Variants in ATP11A observed in about 807,000 individuals in gnomAD.
ATP11A encodes ATPase phospholipid transporting 11A, also known as phospholipid-transporting ATPase IH.
ATP11A carries 81 observed loss-of-function variants against 154.4 expected under a neutral mutation model. That is an observed-to-expected ratio of 0.52 (90% CI 0.44 to 0.63). The LOEUF is 0.63. ATP11A is among the 30% of genes least tolerant of loss of function. The probability of loss-of-function intolerance (pLI) is 0.00; values close to 1 mark genes in which losing one functional copy is unlikely to be tolerated. For synonymous variants in ATP11A, 623 were observed against 585.9 expected (o/e 1.06, Z -0.91); for missense variants, 1,316 against 1,474.3 (o/e 0.89, Z 1.76).
chr13:112,824,413 C>T lies in ATP11A; in HGVS notation c.860C>T (p.Ser287Phe). ...TATCAATCAAAATCTCAGAAGCGAT[C>T]TGCCGTGGAAAAGTAAGGCTGGATG... The part of the protein sequence containing the change: ...LNYQSKSQKR[S>F]AVEKSMNAFL... The change falls in exon 10 of 30, where the codon TCT (serine) becomes TTT (phenylalanine). Residue 287 changes from serine to phenylalanine, a missense_variant. Transcript: ENST00000375645. 6.2e-7 allele frequency: 1 copy of T among 1,614,128 alleles called. No homozygotes were observed. The highest frequency in any genetic ancestry group is 8.5e-7 in the Non-Finnish European group (1 of 1,179,984).
intron 1 of ATP11A, among the ~76,000 whole-genome samples, chr13:112,750,551 A>C (rs373404886): frequency 1.0e-5 from 1 of 99,668 alleles, no homozygotes; most frequent in African/African-American, 4.2e-5. Flanking sequence ...GCGGGTTTGA[A>C]TCCCCTTCAG....
Position 112,721,159 on chromosome 13 carries a change from A to G in ATP11A, c.39+30704A>G, listed in dbSNP as rs79827946. On this transcript the variant is annotated intron_variant, in intron 1 of 29. Coordinates refer to ENST00000375645, the MANE Select transcript of ATP11A (RefSeq NM_015205.3). The stretch of plus-strand genomic sequence containing the variant: ...AGGGTCTGGGTTGTAAATCAGAGTT[A>G]GGGTCCGATTGCTCCTCTCATTAGG... Among the ~76,000 whole-genome samples the G allele has an allele frequency of 4.6e-3, 697 of 152,258 alleles. 4 individuals are homozygous for G. The highest frequency in any genetic ancestry group is 0.017 in the East Asian group (88 of 5,166).
At chr13:112,850,646 A>G (rs557868130) in intron 17 of ATP11A, among the ~76,000 whole-genome samples, 36 of 152,178 alleles carry the variant, frequency 2.4e-4, no homozygotes, top group Non-Finnish European at 4.6e-4. Context: ...TATTACCCAT[A>G]AAATTACAAA....
chr13:112,731,775 A>C (rs1890504450), intron 1 of ATP11A, among the ~76,000 whole-genome samples: 1 of 152,144 alleles, frequency 6.6e-6, no homozygotes, highest in Non-Finnish European at 1.5e-5. Context: ...CGAACATATC[A>C]CATCCTATCC....
In ATP11A at chr13:112,838,840, G is replaced by T. The variant is rs2079312108; in HGVS notation, c.1705+2589G>T. Among the ~76,000 whole-genome samples the T allele has an allele frequency of 6.6e-6, 1 of 152,208 alleles. No individual in the cohort carries two copies. Among genetic ancestry groups the T allele is most frequent in the Non-Finnish European group, 1.5e-5 (1 of 68,042 alleles). ...AAGAGAAGTTTGAATATGTAATTAA[G>T]CAAGGTGTTCTGTAAGTAGTAGTCA... On this transcript the variant is annotated intron_variant, in intron 16 of 29. Transcript: ENST00000375645. The surrounding 1 kb of genome is among the most constrained non-coding windows in gnomAD (Gnocchi z 7.3).
chr13:112,881,753 GGTCACCCCA>G, intron 29 of ATP11A, 114 bp from the exon 30 acceptor site: 1 of 1,337,352 alleles, frequency 7.5e-7, no homozygotes, highest in Non-Finnish European at 9.9e-7. Flanking sequence ...GAGTGGCTCA[GGTCACCCCA>G]GGCAGCCCCG....
rs1402392392 is a variant in ATP11A at position 112,834,667 on chromosome 13, G to A, written c.1631+7G>A. The A allele has an allele frequency of 5.6e-6, 9 of 1,607,200 alleles. No individual in the cohort carries two copies. Among genetic ancestry groups the A allele is most frequent in the Middle Eastern group, 1.6e-4 (1 of 6,062 alleles). ...GGGAGAACCACATCGAAAGGTATGT[G>A]CAGACCTCACCCTCAGATGTGAAAG... On this transcript the variant is annotated splice_region_variant and intron_variant, in intron 15 of 29. Transcript: ENST00000375645.
intron 1 of ATP11A, among the ~76,000 whole-genome samples, chr13:112,703,874 A>G (rs1022992379): frequency 2.0e-5 from 3 of 152,212 alleles, no homozygotes; most frequent in African/African-American, 2.4e-5. Flanking sequence ...GTTAGGGTTT[A>G]CATCACAAAA....
At chr13:112,852,995 A>G (rs1383025446) in intron 18 of ATP11A, among the ~76,000 whole-genome samples, 2 of 151,998 alleles carry the variant, frequency 1.3e-5, no homozygotes, top group Non-Finnish European at 2.9e-5. Context: ...CTGATGCAGG[A>G]GGATTGATTA....
intron 1 of ATP11A, among the ~76,000 whole-genome samples, chr13:112,725,021 T>G (rs1235568726): frequency 6.6e-6 from 1 of 152,014 alleles, no homozygotes; most frequent in African/African-American, 2.4e-5. Context: ...TCCCTTGGGG[T>G]GGATTGTCTG....
intron 18 of ATP11A, among the ~76,000 whole-genome samples, chr13:112,853,797 TATTTA>T (rs2079844851): frequency 6.6e-6 from 1 of 152,220 alleles, no homozygotes. Context: ...TATTTTATAT[TATTTA>T]GAGGTACCTG....
rs79985819 is a variant in ATP11A, at chr13:112,696,125, G to T, written c.39+5670G>T. On this transcript the variant is annotated intron_variant, in intron 1 of 29. Coordinates refer to ENST00000375645, the MANE Select transcript of ATP11A (RefSeq NM_015205.3). The surrounding 1 kb of genome is among the most constrained non-coding windows in gnomAD (Gnocchi z 6.2). The stretch of plus-strand genomic sequence containing the variant: ...CGCTTGGTGCCCCATCTGCAAGGTG[G>T]GGACTATGATGGTGCCCACCTGGTG... Among the ~76,000 whole-genome samples, 40 of 152,342 alleles carry T rather than the reference G, an allele frequency of 2.6e-4. No homozygotes were observed. Among genetic ancestry groups the T allele is most frequent in the East Asian group, 9.7e-4 (5 of 5,166 alleles).
intron 29 of ATP11A, chr13:112,880,697 C>T (rs1205436984): frequency 1.6e-6 from 2 of 1,250,112 alleles, no homozygotes; most frequent in Admixed American, 5.0e-5. Flanking sequence ...GACTGTCAGA[C>T]CCGTTTTTCC....
intron 16 of ATP11A, among the ~76,000 whole-genome samples, chr13:112,840,975 G>T (rs2079397578): frequency 6.6e-6 from 1 of 152,244 alleles, no homozygotes; most frequent in South Asian, 2.1e-4. Flanking sequence ...TCAGGGCTCT[G>T]CCCCGCCAGG....
In ATP11A at chr13:112,757,035, T is replaced by G. The variant is rs192543294; in HGVS notation, c.40-28100T>G. The stretch of plus-strand genomic sequence containing the variant: ...TCTGTGGATTTAGTCCACATTGATG[T>G]GAGCACCTACTGTACATGAGATAGC... On this transcript the variant is annotated intron_variant, in intron 1 of 29. Coordinates refer to ENST00000375645, the MANE Select transcript of ATP11A (RefSeq NM_015205.3). Among the ~76,000 whole-genome samples, 621 of 152,386 alleles carry G rather than the reference T, an allele frequency of 4.1e-3. 6 individuals are homozygous for G. The highest frequency in any genetic ancestry group is 6.9e-3 in the Non-Finnish European group (467 of 68,036).
intron 1 of ATP11A, among the ~76,000 whole-genome samples, chr13:112,740,383 A>G (rs1400243508): frequency 6.6e-6 from 1 of 152,082 alleles, no homozygotes; most frequent in African/African-American, 2.4e-5. Flanking sequence ...CATGTTGGCC[A>G]GGCTGGTCTT....
intron 29 of ATP11A, 123 bp from the exon 30 acceptor site, chr13:112,881,753 G>C: frequency 1.5e-6 from 2 of 1,337,352 alleles, no homozygotes; most frequent in African/African-American, 3.0e-5. Flanking sequence ...GAGTGGCTCA[G>C]GTCACCCCAG....
chr13:112,749,957 G>A lies in ATP11A; in HGVS notation c.40-35178G>A, dbSNP rs148447234. On this transcript the variant is annotated intron_variant, in intron 1 of 29. Coordinates refer to ENST00000375645, the MANE Select transcript of ATP11A (RefSeq NM_015205.3). ...GGAAGGAGAGTCTCCATCCTCCCAC[G>A]TGGGGACATGCCTGCTGAAGGAAGC... Among the ~76,000 whole-genome samples, 285 of 121,390 alleles carry A rather than the reference G, an allele frequency of 2.3e-3. 33 individuals are homozygous for A. The highest frequency in any genetic ancestry group is 0.01 in the African/African-American group (256 of 25,348). The allele number at this position is 121,390 out of a possible 152,430, so 79.6% of individuals were successfully genotyped here.
intron 17 of ATP11A, among the ~76,000 whole-genome samples, chr13:112,850,255 A>G (rs1167957185): frequency 1.3e-5 from 2 of 152,184 alleles, no homozygotes; most frequent in African/African-American, 4.8e-5. Context: ...TTCTTTTACT[A>G]TTATCAGTAG....
Sources: gnomAD v4.1 joint callset for allele counts (sites outside exome capture counted in the v4.1 genomes callset) on GRCh38, gnomAD v4.1.1 for gene constraint, Gnocchi (gnomAD v3.1) non-coding constraint, MANE v1.5 for transcripts, NCBI Gene and HGNC (gene_info 2026-07-23, HGNC 2026-07-21) for gene names.